The following MCPH1 variants were observed in gnomAD, a reference collection of about 807,000 sequenced individuals.
MCPH1 encodes the protein microcephalin.
MCPH1 carries 104 observed loss-of-function variants against 84.5 expected under a neutral mutation model. That is an observed-to-expected ratio of 1.23 (90% CI 1.05 to 1.45). MCPH1 has a LOEUF of 1.45. Among genes scored for constraint, MCPH1 ranks in the 40% most tolerant of loss-of-function variants. The probability of loss-of-function intolerance (pLI) is 0.00; values close to 1 mark genes in which losing one functional copy is unlikely to be tolerated. For synonymous variants in MCPH1, 514 were observed against 366.8 expected (o/e 1.40, Z -4.58); for missense variants, 1,498 against 1,005.7 (o/e 1.49, Z -6.62).
At position 6,444,406 on chromosome 8, in the gene MCPH1, T is replaced by C. The variant is rs770006960; in HGVS notation, c.684T>C (p.Ala228=). ...AATGTTTTCCAGATGAATACTTTGCTGGTGGCTTACACTCATCTTTTGATG... is the reference window on the plus strand; with the variant it reads ...AATGTTTTCCAGATGAATACTTTGCCGGTGGCTTACACTCATCTTTTGATG... ...RDTLCSDEYF[A]GGLHSSFDDL... is the part of the protein sequence containing the mutation. Residue 228 remains alanine (A), a synonymous_variant, in exon 8 of 14, where the codon GCT becomes GCC. Transcript: ENST00000344683. 13 of 1,614,166 alleles carry C rather than the reference T, an allele frequency of 8.1e-6. No individual in the cohort carries two copies. The highest frequency in any genetic ancestry group is 1.1e-5 in the Non-Finnish European group (13 of 1,180,024).
intron 12 of MCPH1, among the ~76,000 whole-genome samples, chr8:6,580,798 AATACAAGTCTTCTGCTTCCTATTCC>A (rs1827509952): frequency 6.6e-6 from 1 of 152,224 alleles, no homozygotes; most frequent in Non-Finnish European, 1.5e-5. Context: ...GCATCCCTTA[AATACAAGTCTTCTGCTTCCTATTCC>A]TGTAAATAAC....
chr8:6,446,924 G>T, intron 8 of MCPH1: 2 of 985,382 alleles, frequency 2.0e-6, no homozygotes, highest in Non-Finnish European at 2.4e-6. Flanking sequence ...GTAGAAGGGG[G>T]TGAGGGGCCA....
At chr8:6,467,558 T>C (rs182234864) in intron 9 of MCPH1, among the ~76,000 whole-genome samples, 2 of 152,308 alleles carry the variant, frequency 1.3e-5, no homozygotes, top group Admixed American at 6.5e-5. Context: ...AAAGTAGGAA[T>C]GAAACAGTTT....
chr8:6,503,762 A>G lies in MCPH1; in HGVS notation c.2214+3833A>G, dbSNP rs539008640. Among the ~76,000 whole-genome samples the G allele has an allele frequency of 3.9e-5, 6 of 152,344 alleles. No individual in the cohort carries two copies. In the South Asian group the frequency reaches 1.2e-3, roughly 32 times the overall value. On this transcript the variant is annotated intron_variant, in intron 12 of 13. Coordinates refer to ENST00000344683, the MANE Select transcript of MCPH1 (RefSeq NM_024596.5). ...CATAAAAAGGAAGTCTCTATGTTTC[A>G]GAGACAAAAAGGAAATTTAAAGTGA... is the stretch of plus-strand genomic sequence containing the variant.
chr8:6,440,998 G>T (rs145990650), intron 6 of MCPH1, among the ~76,000 whole-genome samples: 5 of 152,178 alleles, frequency 3.3e-5, no homozygotes, highest in Non-Finnish European at 7.3e-5. Flanking sequence ...TGCAAAATGT[G>T]TGTGCCTCCC....
chr8:6,590,161 C>T (rs749369030), intron 12 of MCPH1, among the ~76,000 whole-genome samples: 1 of 148,968 alleles, frequency 6.7e-6, no homozygotes, highest in South Asian at 2.1e-4. Flanking sequence ...TTTTGCAGAG[C>T]GTTTTCAAGA....
chr8:6,476,653 A>G (rs59635757), intron 9 of MCPH1, among the ~76,000 whole-genome samples: 20,902 of 152,158 alleles, frequency 0.14, 1,538 homozygotes, highest in Middle Eastern at 0.24. Context: ...TCCTTCCCCA[A>G]ATACGTAGTA....
At chr8:6,638,231 T>A (rs924479157) in intron 13 of MCPH1, among the ~76,000 whole-genome samples, 2 of 152,186 alleles carry the variant, frequency 1.3e-5, no homozygotes, top group Non-Finnish European at 2.9e-5. Flanking sequence ...AGAGGCTGGG[T>A]GACCACCGTC....
At chr8:6,631,690 G>A (rs1009380638) in intron 13 of MCPH1, among the ~76,000 whole-genome samples, 3 of 151,272 alleles carry the variant, frequency 2.0e-5, no homozygotes, top group Non-Finnish European at 4.4e-5. Flanking sequence ...ACAAGTGTTA[G>A]TAAGGATGTG....
intron 9 of MCPH1, among the ~76,000 whole-genome samples, chr8:6,465,759 T>C (rs1241590708): frequency 6.6e-6 from 1 of 152,164 alleles, no homozygotes; most frequent in East Asian, 1.9e-4. Flanking sequence ...GCGGCTTTGT[T>C]TGTTATGCTC....
intron 12 of MCPH1, among the ~76,000 whole-genome samples, chr8:6,604,089 G>A (rs1164258058): frequency 6.6e-6 from 1 of 151,466 alleles, no homozygotes; most frequent in African/African-American, 2.4e-5. Context: ...ACACTCTGCT[G>A]GTGGCCTCTG....
chr8:6,615,569 C>T (rs934103418), intron 12 of MCPH1: 1 of 152,120 alleles, frequency 6.6e-6, no homozygotes, highest in African/African-American at 2.4e-5. Flanking sequence ...AAGGCCTTGC[C>T]AGGATCCAAG....
At chr8:6,592,653 GTTGT>G (rs1478302845) in intron 12 of MCPH1, among the ~76,000 whole-genome samples, 3 of 52,112 alleles carry the variant, frequency 5.8e-5, no homozygotes, top group South Asian at 1.3e-3. Flanking sequence ...TGTTGCTGTT[GTTGT>G]TTGTTTGTTT....
intron 3 of MCPH1, among the ~76,000 whole-genome samples, chr8:6,420,611 G>T (rs903116804): frequency 6.6e-6 from 1 of 151,956 alleles, no homozygotes; most frequent in Non-Finnish European, 1.5e-5. Flanking sequence ...GGAGTCCATT[G>T]AAATGGCTTA....
chr8:6,542,291 G>GGT (rs59101845), intron 12 of MCPH1, among the ~76,000 whole-genome samples: 2,685 of 150,024 alleles, frequency 0.018, 40 homozygotes, highest in African/African-American at 0.044. Context: ...GTGAGGTAGG[G>GGT]GTGTGTGTGT....
chr8:6,479,580 A>G (rs1808927193), intron 10 of MCPH1, among the ~76,000 whole-genome samples: 1 of 151,658 alleles, frequency 6.6e-6, no homozygotes, highest in South Asian at 2.1e-4. Context: ...GACTACAGGC[A>G]CCCGCGACCA....
intron 12 of MCPH1, chr8:6,563,061 C>G: frequency 9.9e-7 from 1 of 1,008,722 alleles, no homozygotes; most frequent in Non-Finnish European, 1.4e-6. Context: ...CAATGAAAGT[C>G]TTCTCTTTCC....
At chr8:6,409,876 G>C (rs907696327) in intron 2 of MCPH1, among the ~76,000 whole-genome samples, 3 of 152,274 alleles carry the variant, frequency 2.0e-5, no homozygotes, top group East Asian at 1.9e-4. Context: ...GCGTTGTTCA[G>C]TATTCAAGGA....
chr8:6,419,144 C>CAG (rs1554479117), intron 3 of MCPH1, among the ~76,000 whole-genome samples: 5 of 92,528 alleles, frequency 5.4e-5, no homozygotes, highest in African/African-American at 2.0e-4. Flanking sequence ...CACACACACA[C>CAG]ACACACAGAC....
Sources: allele counts gnomAD v4.1 joint callset (sites outside exome capture counted in the v4.1 genomes callset), GRCh38; gene constraint gnomAD v4.1.1; transcripts MANE v1.5; gene names NCBI Gene and HGNC (gene_info 2026-07-23, HGNC 2026-07-21).